The following ATOSB variants were observed in gnomAD, a reference collection of about 807,000 sequenced individuals.
ATOSB encodes atos homolog protein B.
At chr9:35,105,538 A>C in the ATOSB span, 1 of 1,065,324 alleles carries the variant, frequency 9.4e-7, no homozygotes, top group Admixed American at 2.8e-5. The surrounding 1 kb of genome is among the most constrained non-coding windows in gnomAD (Gnocchi z 5.5). Flanking sequence ...AAAATAAATG[A>C]ATACATACAT....
At chr9:35,107,950 G>C in the ATOSB span, 1 of 1,605,414 alleles carries the variant, frequency 6.2e-7, no homozygotes, top group Non-Finnish European at 8.5e-7. Flanking sequence ...CCTAGTCCCA[G>C]CCCCGGTCCC....
the ATOSB span, chr9:35,108,001 G>T: frequency 5.7e-6 from 9 of 1,577,566 alleles, no homozygotes; most frequent in Non-Finnish European, 6.9e-6. Flanking sequence ...TCTTCAGGGG[G>T]TAGTCCCTCT....
chr9:35,105,583 A>G, the ATOSB span: 2 of 1,307,912 alleles, frequency 1.5e-6, no homozygotes, highest in Middle Eastern at 5.4e-4. The surrounding 1 kb of genome is among the most constrained non-coding windows in gnomAD (Gnocchi z 5.5). Flanking sequence ...ATTTAAAAAT[A>G]AACTAAGCAA....
the ATOSB span, chr9:35,110,138 C>T: frequency 1.3e-5 from 2 of 152,194 alleles, no homozygotes; most frequent in African/African-American, 4.8e-5. Flanking sequence ...TCCCATTTCA[C>T]CAAATTCTCC....
chr9:35,106,385 G>A, the ATOSB span: 1 of 1,614,196 alleles, frequency 6.2e-7, no homozygotes, highest in Non-Finnish European at 8.5e-7. This position sits in a 1 kb window ranked among gnomAD's most constrained non-coding sequence, Gnocchi z 4.6. Context: ...GCCAGATGGT[G>A]CAAAACGTCC....
the ATOSB span, among the ~76,000 whole-genome samples, chr9:35,113,822 G>A: frequency 1.5e-4 from 23 of 151,720 alleles, no homozygotes; most frequent in South Asian, 2.5e-3. Context: ...ACTTTGTTTC[G>A]TTCATGCTCA....
the ATOSB span, chr9:35,108,283 C>T: frequency 1.3e-6 from 2 of 1,536,302 alleles, no homozygotes; most frequent in Admixed American, 2.0e-5. Context: ...ATGAAGCCCC[C>T]CTTGGGTCAG....
At chr9:35,114,364 C>T in the ATOSB span, among the ~76,000 whole-genome samples, 5 of 152,122 alleles carry the variant, frequency 3.3e-5, no homozygotes, top group African/African-American at 9.7e-5. Flanking sequence ...AGGGCTTTGT[C>T]TGTCCTCAGC....
At chr9:35,106,915 A>C in the ATOSB span, 1 of 1,558,478 alleles carries the variant, frequency 6.4e-7, no homozygotes, top group Non-Finnish European at 8.7e-7. This position sits in a 1 kb window ranked among gnomAD's most constrained non-coding sequence, Gnocchi z 4.6. Context: ...TGATTGGGAA[A>C]AGACACAGGG....
At chr9:35,106,995 C>T in the ATOSB span, 2 of 1,023,700 alleles carry the variant, frequency 2.0e-6, no homozygotes, top group African/African-American at 1.6e-5. The surrounding 1 kb of genome is among the most constrained non-coding windows in gnomAD (Gnocchi z 4.6). Context: ...CCCCCCAGGC[C>T]TCCACCTTTA....
At chr9:35,106,246 G>A in the ATOSB span, 4 of 1,613,308 alleles carry the variant, frequency 2.5e-6, no homozygotes, top group Non-Finnish European at 3.4e-6. The surrounding 1 kb of genome is among the most constrained non-coding windows in gnomAD (Gnocchi z 4.6). Flanking sequence ...TGGAGTCAAG[G>A]CATACCAGGA....
the ATOSB span, chr9:35,108,110 A>C: frequency 1.3e-6 from 2 of 1,557,494 alleles, no homozygotes; most frequent in Non-Finnish European, 1.7e-6. Flanking sequence ...TACCAGCCGG[A>C]GGGGAAAAGA....
chr9:35,114,208 A>G, the ATOSB span, among the ~76,000 whole-genome samples: 1 of 152,082 alleles, frequency 6.6e-6, no homozygotes, highest in African/African-American at 2.4e-5. Context: ...CCACCCACTC[A>G]CACAAACCGC....
chr9:35,107,319 CAAAAA>C, the ATOSB span: 2,629 of 1,156,048 alleles, frequency 2.3e-3, no homozygotes, highest in Admixed American at 3.6e-3. Context: ...GATCCCATCT[CAAAAA>C]AAAAAAAAAA....
chr9:35,107,941 C>G, the ATOSB span: 1 of 1,604,726 alleles, frequency 6.2e-7, no homozygotes, highest in African/African-American at 1.3e-5. Context: ...CTGGCCACAC[C>G]TAGTCCCAGC....
the ATOSB span, chr9:35,106,173 A>G: frequency 1.9e-6 from 3 of 1,587,188 alleles, no homozygotes; most frequent in South Asian, 1.1e-5. This position sits in a 1 kb window ranked among gnomAD's most constrained non-coding sequence, Gnocchi z 4.6. Context: ...TAAGTAAGAA[A>G]TACCTCTTGC....
chr9:35,110,954 ATCC>A, the ATOSB span: 1 of 152,074 alleles, frequency 6.6e-6, no homozygotes, highest in African/African-American at 2.4e-5. Flanking sequence ...CCCTACATAC[ATCC>A]ACACAAGCTA....
the ATOSB span, among the ~76,000 whole-genome samples, chr9:35,112,992 G>A: frequency 1.3e-5 from 2 of 152,170 alleles, no homozygotes; most frequent in Admixed American, 1.3e-4. Context: ...CTTTTCAAGA[G>A]GAAAACTCTG....
the ATOSB span, chr9:35,105,833 C>A: frequency 6.2e-7 from 1 of 1,614,186 alleles, no homozygotes; most frequent in Non-Finnish European, 8.5e-7. This position sits in a 1 kb window ranked among gnomAD's most constrained non-coding sequence, Gnocchi z 5.5. Context: ...ATCTTTACCA[C>A]AGTCTGGTTG....
Sources: gnomAD v4.1 joint callset for allele counts (sites outside exome capture counted in the v4.1 genomes callset) on GRCh38, gnomAD v4.1.1 for gene constraint, Gnocchi (gnomAD v3.1) non-coding constraint, MANE v1.5 for transcripts, NCBI Gene and HGNC (gene_info 2026-07-23, HGNC 2026-07-21) for gene names.